Variants in DGKB observed in about 807,000 individuals in gnomAD.
DGKB encodes diacylglycerol kinase beta, also known as 90 kDa diacylglycerol kinase.
In DGKB, 67 loss-of-function variants were observed where a neutral mutation model predicts 114.3. The observed-to-expected ratio is 0.59, with a 90% CI of 0.48 to 0.72. The LOEUF is 0.72. DGKB is among the 30% of genes least tolerant of loss of function. The probability of loss-of-function intolerance (pLI) is 0.00; values close to 1 mark genes in which losing one functional copy is unlikely to be tolerated. For missense variants in DGKB, 907 were observed against 975.2 expected (o/e 0.93, Z 0.93); for synonymous variants, 398 against 323.1 (o/e 1.23, Z -2.49).
intron 20 of DGKB, among the ~76,000 whole-genome samples, chr7:14,553,393 A>C (rs368584275): frequency 6.6e-6 from 1 of 152,176 alleles, no homozygotes; most frequent in South Asian, 2.1e-4. Flanking sequence ...AGTGCTCTGA[A>C]GAGTATCCAG....
intron 2 of DGKB, among the ~76,000 whole-genome samples, chr7:14,789,285 C>T (rs1460272177): frequency 6.6e-6 from 1 of 152,054 alleles, no homozygotes; most frequent in African/African-American, 2.4e-5. Context: ...TCATGCTGCC[C>T]TTTAGTAATC....
At chr7:14,856,426 A>C (rs1365366056) in intron 1 of DGKB, among the ~76,000 whole-genome samples, 1 of 152,146 alleles carries the variant, frequency 6.6e-6, no homozygotes, top group Non-Finnish European at 1.5e-5. Flanking sequence ...CCAGATGTTA[A>C]TACCACTGTT....
intron 2 of DGKB, 117 bp downstream of exon 2, chr7:14,841,077 G>C: frequency 1.2e-6 from 1 of 856,236 alleles, no homozygotes; most frequent in Non-Finnish European, 1.7e-6. Context: ...AAACACAAAA[G>C]GCAGAGCTGG....
chr7:14,785,761 A>G (rs944826355), intron 2 of DGKB, among the ~76,000 whole-genome samples: 14 of 152,164 alleles, frequency 9.2e-5, no homozygotes, highest in African/African-American at 3.4e-4. Flanking sequence ...TTCAAAAGCC[A>G]TGAGAGCCAT....
chr7:14,400,128 A>G (rs1822867852), intron 21 of DGKB, among the ~76,000 whole-genome samples: 1 of 151,902 alleles, frequency 6.6e-6, no homozygotes, highest in Admixed American at 6.6e-5. Context: ...TTAAATTGCA[A>G]ATCAAAGAGG....
intron 23 of DGKB, among the ~76,000 whole-genome samples, chr7:14,261,656 G>A (rs1363566562): frequency 1.3e-5 from 2 of 152,074 alleles, no homozygotes; most frequent in East Asian, 1.9e-4. Context: ...ATAAGATTGA[G>A]CAGCACTTTC....
chr7:14,666,747 A>G (rs367605353), intron 13 of DGKB, among the ~76,000 whole-genome samples: 14 of 152,114 alleles, frequency 9.2e-5, no homozygotes, highest in African/African-American at 3.1e-4. Flanking sequence ...TAAATGAACT[A>G]TAGCTATAAT....
intron 1 of DGKB, among the ~76,000 whole-genome samples, chr7:14,846,533 AGTC>A (rs1436265619): frequency 6.6e-6 from 1 of 152,226 alleles, no homozygotes; most frequent in Non-Finnish European, 1.5e-5. Flanking sequence ...ACATTCTTAT[AGTC>A]CCCGCCTCTT....
chr7:14,917,226 G>C (rs528840506), intron 1 of DGKB, among the ~76,000 whole-genome samples: 1 of 152,048 alleles, frequency 6.6e-6, no homozygotes, highest in East Asian at 1.9e-4. Context: ...CTTAGGACTA[G>C]AGAAAGTAAA....
chr7:14,795,625 G>A (rs765318916), intron 2 of DGKB, among the ~76,000 whole-genome samples: 1 of 152,080 alleles, frequency 6.6e-6, no homozygotes, highest in Non-Finnish European at 1.5e-5. Flanking sequence ...AAGCCTAAAG[G>A]CAATTGGAGT....
intron 23 of DGKB, among the ~76,000 whole-genome samples, chr7:14,303,772 G>A (rs922745126): frequency 1.3e-5 from 2 of 152,088 alleles, no homozygotes; most frequent in East Asian, 3.9e-4. Context: ...CATCTCTTTA[G>A]TTGTGAACAG....
At chr7:14,289,703 T>G (rs1158468754) in intron 23 of DGKB, among the ~76,000 whole-genome samples, 1 of 150,556 alleles carries the variant, frequency 6.6e-6, no homozygotes, top group Non-Finnish European at 1.5e-5. Flanking sequence ...TTATCACTAT[T>G]GTTTTAAAAT....
intron 1 of DGKB, among the ~76,000 whole-genome samples, chr7:14,931,474 T>C (rs1785016752): frequency 6.6e-6 from 1 of 152,186 alleles, no homozygotes; most frequent in Non-Finnish European, 1.5e-5. Context: ...TTGTAGGGTT[T>C]TATTTTTTGT....
intron 14 of DGKB, 46 bp from the exon 15 acceptor site, chr7:14,621,540 CATA>C (rs749224776): frequency 3.5e-5 from 41 of 1,158,452 alleles, no homozygotes; most frequent in South Asian, 2.3e-4. Flanking sequence ...AGGAAAATAA[CATA>C]ATAAAATGTT....
At chr7:14,671,795 C>T (rs146300511) in intron 13 of DGKB, among the ~76,000 whole-genome samples, 91 of 151,984 alleles carry the variant, frequency 6.0e-4, no homozygotes, top group African/African-American at 2.0e-3. Context: ...ATAAATAATA[C>T]AAAAATTCTA....
At chr7:14,374,886 A>G (rs1057191858) in intron 21 of DGKB, among the ~76,000 whole-genome samples, 9 of 152,172 alleles carry the variant, frequency 5.9e-5, no homozygotes, top group Non-Finnish European at 1.2e-4. Flanking sequence ...ATATTGCCGA[A>G]TGTCTCCTGA....
chr7:14,596,003 C>G (rs1802514417), intron 17 of DGKB, among the ~76,000 whole-genome samples: 1 of 151,988 alleles, frequency 6.6e-6, no homozygotes, highest in Non-Finnish European at 1.5e-5. Flanking sequence ...ACCTTAAGTA[C>G]TGTTTGAATT....
chr7:14,189,083 C>G (rs1009534116), intron 23 of DGKB, among the ~76,000 whole-genome samples: 10 of 152,218 alleles, frequency 6.6e-5, no homozygotes, highest in African/African-American at 2.2e-4. Flanking sequence ...AACAGGAAAA[C>G]AAGTGAAAGT....
chr7:14,528,399 T>C (rs1034801626), intron 20 of DGKB, among the ~76,000 whole-genome samples: 6 of 152,062 alleles, frequency 3.9e-5, no homozygotes, highest in African/African-American at 1.2e-4. Flanking sequence ...TGTAATTACA[T>C]GGTAATTATT....
Sources: allele counts gnomAD v4.1 joint callset (sites outside exome capture counted in the v4.1 genomes callset), GRCh38; gene constraint gnomAD v4.1.1; transcripts MANE v1.5; gene names NCBI Gene and HGNC (gene_info 2026-07-23, HGNC 2026-07-21).